The following DOCK10 variants were observed in gnomAD, a reference collection of about 807,000 sequenced individuals.
DOCK10 encodes dedicator of cytokinesis 10.
A neutral mutation model predicts 280.1 loss-of-function variants in DOCK10; 145 were observed. The observed-to-expected ratio is 0.52, with a 90% CI of 0.45 to 0.59. The LOEUF is 0.59. DOCK10 is among the 20% of genes least tolerant of loss of function. The pLI, the probability that DOCK10 is intolerant of heterozygous loss-of-function variation, is 0.00. For synonymous variants in DOCK10, 915 were observed against 942.2 expected, an observed-to-expected ratio of 0.97 and a Z score of 0.53; for missense variants, 2,368 against 2,651.7, an observed-to-expected ratio of 0.89 and a Z score of 2.35.
intron 55 of DOCK10, among the ~76,000 whole-genome samples, chr2:224,767,808 C>T (rs560481649): frequency 2.5e-4 from 38 of 152,272 alleles, no homozygotes; most frequent in Admixed American, 7.9e-4. Flanking sequence ...TTCTAGTGTT[C>T]GGCTATTGAG....
chr2:224,791,745 A>C (rs1179645092), intron 47 of DOCK10, among the ~76,000 whole-genome samples: 1 of 151,408 alleles, frequency 6.6e-6, no homozygotes, highest in Non-Finnish European at 1.5e-5. Flanking sequence ...AAGTGCTGGG[A>C]TTACAGGCGT....
chr2:225,008,323 T>G (rs1247086217), intron 1 of DOCK10, among the ~76,000 whole-genome samples: 1 of 152,184 alleles, frequency 6.6e-6, no homozygotes, highest in East Asian at 1.9e-4. Flanking sequence ...ATTTCTTGAG[T>G]GAAGACTCTT....
chr2:224,920,709 A>G (rs1416737605), intron 2 of DOCK10, among the ~76,000 whole-genome samples: 1 of 152,090 alleles, frequency 6.6e-6, no homozygotes, highest in African/African-American at 2.4e-5. Flanking sequence ...AAATTTTTAT[A>G]CAAAAATGCA....
At chr2:224,892,153 T>G (rs1354859313) in intron 4 of DOCK10, among the ~76,000 whole-genome samples, 2 of 151,660 alleles carry the variant, frequency 1.3e-5, no homozygotes, top group Admixed American at 6.6e-5. Flanking sequence ...TCCCAGCACT[T>G]TGGGAGGCCG....
chr2:224,990,483 C>A (rs570741780), intron 1 of DOCK10, among the ~76,000 whole-genome samples: 1 of 152,128 alleles, frequency 6.6e-6, no homozygotes, highest in Non-Finnish European at 1.5e-5. Context: ...GGTCCAGTAC[C>A]AAACACATGG....
intron 47 of DOCK10, among the ~76,000 whole-genome samples, 185 bp from the exon 48 acceptor site, chr2:224,789,355 AT>A (rs1372940202): frequency 6.6e-6 from 1 of 152,120 alleles, no homozygotes; most frequent in Non-Finnish European, 1.5e-5. Context: ...CCTTTTTATA[AT>A]TTTTGTATCA....
rs372710059 is a variant in DOCK10, at chr2:224,765,671, C to T, written c.*50G>A. 7.7e-7 allele frequency: 1 copy of T among 1,290,952 alleles called. No individual in the cohort carries two copies. Among genetic ancestry groups the T allele is most frequent in the East Asian group, 2.4e-5 (1 of 41,652 alleles). The allele number at this position is 1,290,952 out of a possible 1,614,324, so 80.0% of individuals were successfully genotyped here. A position where few individuals can be genotyped will look rare whatever the true frequency, so the allele number is the denominator to read the frequency against. On this transcript the variant is annotated 3_prime_UTR_variant, in exon 56 of 56. Coordinates refer to ENST00000258390, the MANE Select transcript of DOCK10 (RefSeq NM_014689.3). ...CTATCTTTCTCTTCCCCGAGATTAG[C>T]TGCAAATTCAGAAAGTTCTCTTAGA...
At chr2:224,830,685 A>G (rs1695168468) in intron 26 of DOCK10, 73 bp from the exon 27 acceptor site, 3 of 757,634 alleles carry the variant, frequency 4.0e-6, no homozygotes, top group South Asian at 5.0e-5. Context: ...TCTTTGCAAT[A>G]TGTAATACTA....
intron 11 of DOCK10, among the ~76,000 whole-genome samples, chr2:224,870,992 A>G (rs1373502891): frequency 2.6e-5 from 4 of 151,744 alleles, no homozygotes; most frequent in Non-Finnish European, 4.4e-5. Flanking sequence ...GTGTACAGCT[A>G]ATTTTTGTAT....
At chr2:224,917,516 C>T (rs754486763) in intron 2 of DOCK10, among the ~76,000 whole-genome samples, 2 of 151,684 alleles carry the variant, frequency 1.3e-5, no homozygotes, top group Non-Finnish European at 2.9e-5. Context: ...GCTAACTGTG[C>T]GTGTGTGCGT....
intron 4 of DOCK10, among the ~76,000 whole-genome samples, chr2:224,892,064 A>G (rs13400582): frequency 0.24 from 35,859 of 151,960 alleles, 5,823 homozygotes; most frequent in African/African-American, 0.47. Flanking sequence ...TCATGAATTA[A>G]GCAGAAATAA....
At chr2:225,002,935 T>A (rs148202458) in intron 1 of DOCK10, among the ~76,000 whole-genome samples, 4 of 152,350 alleles carry the variant, frequency 2.6e-5, no homozygotes, top group Non-Finnish European at 5.9e-5. Flanking sequence ...ATCAGTGTGG[T>A]CTGTCTTGGG....
At chr2:225,001,896 C>T (rs1706440807) in intron 1 of DOCK10, among the ~76,000 whole-genome samples, 1 of 152,178 alleles carries the variant, frequency 6.6e-6, no homozygotes, top group African/African-American at 2.4e-5. Flanking sequence ...GAGGGCTCTG[C>T]CCTCATGACC....
chr2:224,844,319 G>T (rs1696182214), intron 22 of DOCK10, among the ~76,000 whole-genome samples: 1 of 152,072 alleles, frequency 6.6e-6, no homozygotes, highest in Admixed American at 6.6e-5. Flanking sequence ...TAGTAGAGAT[G>T]GGGTTTCTCC....
Position 224,831,069 on chromosome 2 carries a change from G to A in DOCK10, c.2965-457C>T, listed in dbSNP as rs144478944. Among the ~76,000 whole-genome samples the A allele has an allele frequency of 7.3e-3, 1,113 of 152,106 alleles. 10 individuals are homozygous for A. The highest frequency in any genetic ancestry group is 0.012 in the Non-Finnish European group (823 of 67,996). ...CCACCTCAGTCTCCCGGACAGCTGCGACTACAGATGTGGTCACCATGCCCA... is the reference window on the plus strand; with the variant it reads ...CCACCTCAGTCTCCCGGACAGCTGCAACTACAGATGTGGTCACCATGCCCA... On this transcript the variant is annotated intron_variant, in intron 26 of 55. Transcript: ENST00000258390.
chr2:224,877,594 A>G (rs962111128), intron 7 of DOCK10, among the ~76,000 whole-genome samples: 19 of 151,914 alleles, frequency 1.3e-4, no homozygotes, highest in African/African-American at 4.6e-4. Flanking sequence ...CATTGTGCAG[A>G]GAACTAAAAT....
chr2:225,035,543 T>G (rs4101553), intron 1 of DOCK10, among the ~76,000 whole-genome samples: 6,170 of 14,338 alleles, frequency 0.43, 495 homozygotes, highest in Middle Eastern at 0.45. Context: ...TGATATATAT[T>G]ATATATATAT....
At chr2:224,783,610 A>G (rs1348696669) in intron 50 of DOCK10, among the ~76,000 whole-genome samples, 1 of 152,018 alleles carries the variant, frequency 6.6e-6, no homozygotes, top group Non-Finnish European at 1.5e-5. Context: ...AGAGTACTGC[A>G]GCATTAAAAA....
chr2:224,818,459 C>T (rs866968752), intron 29 of DOCK10, among the ~76,000 whole-genome samples: 3 of 141,508 alleles, frequency 2.1e-5, no homozygotes, highest in Middle Eastern at 4.0e-3. Context: ...AATGCAGTGG[C>T]GCGATCTCGG....
Sources: allele counts gnomAD v4.1 joint callset (sites outside exome capture counted in the v4.1 genomes callset), GRCh38; gene constraint gnomAD v4.1.1; transcripts MANE v1.5; gene names NCBI Gene and HGNC (gene_info 2026-07-23, HGNC 2026-07-21).